ZNF487: variants seen among roughly 807,000 people sequenced by gnomAD.
The protein encoded by ZNF487 is KRAB domain only 1.
Under a neutral mutation model 3.0 loss-of-function variants are expected in ZNF487, and 4 were observed. The observed-to-expected ratio is 1.35, with a 90% CI of 0.66 to 3.08. The LOEUF is 3.08. ZNF487 is among the 30% of genes most tolerant of loss of function. The pLI is 0.01. For missense variants in ZNF487, 146 were observed against 98.7 expected (o/e 1.48, Z -2.03); for synonymous variants, 55 against 34.6 (o/e 1.59, Z -2.06).
chr10:43,512,542 G>T, the ZNF487 span, among the ~76,000 whole-genome samples: 1 of 152,300 alleles, frequency 6.6e-6, no homozygotes, highest in Admixed American at 6.5e-5. Context: ...CTCATAAGGA[G>T]AGTAGTTATC....
intron 1 of ZNF487, among the ~76,000 whole-genome samples, chr10:43,446,752 G>T (rs532522083): frequency 3.3e-5 from 5 of 152,220 alleles, no homozygotes; most frequent in African/African-American, 1.2e-4. Flanking sequence ...CCAGATGATG[G>T]GCGGCCAGGC....
chr10:43,455,631 G>C (rs946466549), intron 1 of ZNF487, among the ~76,000 whole-genome samples: 2 of 152,234 alleles, frequency 1.3e-5, no homozygotes, highest in African/African-American at 4.8e-5. Context: ...TCCGTGGCGC[G>C]GCGCGCTTGT....
chr10:43,447,745 A>G (rs1345207437), intron 1 of ZNF487, among the ~76,000 whole-genome samples: 1 of 152,082 alleles, frequency 6.6e-6, no homozygotes, highest in Non-Finnish European at 1.5e-5. Flanking sequence ...CTCTCCATGC[A>G]GCTCTTTCTT....
intron 1 of ZNF487, among the ~76,000 whole-genome samples, chr10:43,455,568 CG>C (rs1840157494): frequency 6.6e-6 from 1 of 152,216 alleles, no homozygotes; most frequent in Non-Finnish European, 1.5e-5. Context: ...CAGCTCAGGG[CG>C]GGGCGAGGCG....
chr10:43,513,168 T>TG, the ZNF487 span, among the ~76,000 whole-genome samples: 1 of 152,154 alleles, frequency 6.6e-6, no homozygotes, highest in Admixed American at 6.6e-5. Context: ...GAAAAAGCGA[T>TG]CAAGGTGCTT....
chr10:43,440,641 G>T (rs962520494), intron 1 of ZNF487, among the ~76,000 whole-genome samples: 1 of 151,272 alleles, frequency 6.6e-6, no homozygotes, highest in Non-Finnish European at 1.5e-5. Flanking sequence ...CTGGGCAACA[G>T]AGTGAGACTC....
chr10:43,469,316 C>T (rs1840820730), intron 1 of ZNF487, among the ~76,000 whole-genome samples: 1 of 151,968 alleles, frequency 6.6e-6, no homozygotes, highest in South Asian at 2.1e-4. Flanking sequence ...CCTGCCTCAG[C>T]CTCCTGAGCA....
downstream of ZNF487, among the ~76,000 whole-genome samples, chr10:43,484,255 G>T (rs950769300): frequency 6.6e-6 from 1 of 152,150 alleles, no homozygotes; most frequent in East Asian, 1.9e-4. Flanking sequence ...AAGATAAAAT[G>T]TATGGAGCCT....
chr10:43,447,024 T>C (rs1231611612), intron 1 of ZNF487, among the ~76,000 whole-genome samples: 1 of 151,086 alleles, frequency 6.6e-6, no homozygotes, highest in Non-Finnish European at 1.5e-5. Flanking sequence ...AAACCCCGTC[T>C]CCACCAAAAA....
At chr10:43,470,524 C>T (rs1183111972) in intron 1 of ZNF487, among the ~76,000 whole-genome samples, 1 of 152,182 alleles carries the variant, frequency 6.6e-6, no homozygotes, top group Non-Finnish European at 1.5e-5. Flanking sequence ...CCTGGGATTA[C>T]AGGCATGCGT....
intron 3 of ZNF487, 117 bp downstream of exon 3, chr10:43,476,319 A>C (rs1841100098): frequency 3.3e-6 from 2 of 613,130 alleles, no homozygotes; most frequent in Non-Finnish European, 2.9e-6. Flanking sequence ...GAGTTACCAG[A>C]ACTTTGGAAG....
intron 1 of ZNF487, among the ~76,000 whole-genome samples, chr10:43,438,962 C>T (rs1250877744): frequency 1.3e-5 from 2 of 152,024 alleles, no homozygotes; most frequent in Non-Finnish European, 2.9e-5. Flanking sequence ...GCTGGGCAGG[C>T]CGGGCGCGGT....
At chr10:43,502,471 A>G in the ZNF487 span, among the ~76,000 whole-genome samples, 1 of 152,140 alleles carries the variant, frequency 6.6e-6, no homozygotes, top group African/African-American at 2.4e-5. Context: ...ATGTATACAT[A>G]TGTAACAAAC....
intron 1 of ZNF487, among the ~76,000 whole-genome samples, chr10:43,456,042 C>G (rs1367083133): frequency 6.6e-6 from 1 of 152,232 alleles, no homozygotes; most frequent in Non-Finnish European, 1.5e-5. Flanking sequence ...ATAATGCAGG[C>G]TCTGTTTTAT....
At chr10:43,497,828 G>A in the ZNF487 span, among the ~76,000 whole-genome samples, 9 of 151,242 alleles carry the variant, frequency 6.0e-5, no homozygotes, top group African/African-American at 1.7e-4. Context: ...TTAGCTGGGC[G>A]TGGTGTCAGG....
chr10:43,505,004 C>T, the ZNF487 span, among the ~76,000 whole-genome samples: 1 of 151,968 alleles, frequency 6.6e-6, no homozygotes, highest in East Asian at 1.9e-4. Context: ...CTGCACCCAG[C>T]CTCCTTGTTG....
rs560020760 is a variant in ZNF487, at chr10:43,482,697, A to G, written c.*775A>G. ...GGAATGTGGGAAAACTTTCTCCCAGAAGCCAAACTTCATTAATCATCAGTG... is the reference window on the plus strand; with the variant it reads ...GGAATGTGGGAAAACTTTCTCCCAGGAGCCAAACTTCATTAATCATCAGTG... On this transcript the variant is annotated 3_prime_UTR_variant, in exon 4 of 4. Coordinates refer to ENST00000437590, the MANE Select transcript of ZNF487 (RefSeq NM_001355444.3). 81 of 469,708 alleles carry G rather than the reference A, an allele frequency of 1.7e-4. 1 individual carries two copies. The highest frequency in any genetic ancestry group is 1.3e-3 in the South Asian group (80 of 62,416). 29.1% of individuals were successfully genotyped at this position (469,708 alleles called of 1,614,324 possible).
chr10:43,497,624 G>T, the ZNF487 span, among the ~76,000 whole-genome samples: 5 of 152,138 alleles, frequency 3.3e-5, no homozygotes, highest in Non-Finnish European at 7.3e-5. Flanking sequence ...CCCCAAACAG[G>T]ATTTGTTAGA....
chr10:43,445,417 T>A (rs187400569), intron 1 of ZNF487, among the ~76,000 whole-genome samples: 2 of 152,188 alleles, frequency 1.3e-5, no homozygotes, highest in Non-Finnish European at 2.9e-5. Flanking sequence ...AATTTTACTT[T>A]TTGGATGCAG....
Sources: allele counts gnomAD v4.1 joint callset (sites outside exome capture counted in the v4.1 genomes callset), GRCh38; gene constraint gnomAD v4.1.1; transcripts MANE v1.5; gene names NCBI Gene and HGNC (gene_info 2026-07-23, HGNC 2026-07-21).